Variants in NCAM1 observed in about 807,000 individuals in gnomAD.
NCAM1 encodes antigen recognized by monoclonal antibody 5.1H11.
NCAM1 carries 14 observed loss-of-function variants against 109.8 expected under a neutral mutation model. The ratio of observed to expected loss-of-function variants is 0.13; its 90% CI spans 0.08 to 0.20. NCAM1 has a LOEUF of 0.20. NCAM1 is among the 10% of genes least tolerant of loss of function. NCAM1 has a pLI of 1.00. For synonymous variants in NCAM1, 418 were observed against 442.9 expected (o/e 0.94, Z 0.70); for missense variants, 774 against 1,109.9 (o/e 0.70, Z 4.30).
intron 1 of NCAM1, among the ~76,000 whole-genome samples, chr11:112,964,716 A>G (rs1338142669): frequency 2.6e-5 from 4 of 152,248 alleles, no homozygotes; most frequent in Non-Finnish European, 4.4e-5. Flanking sequence ...CACTGAATGT[A>G]ATAAAGGCTA....
intron 1 of NCAM1, among the ~76,000 whole-genome samples, chr11:113,049,036 G>A (rs943675628): frequency 1.3e-5 from 2 of 152,108 alleles, no homozygotes; most frequent in African/African-American, 2.4e-5. Context: ...TAGACCTTTT[G>A]TGAACAGATC....
At chr11:113,035,670 T>C (rs1952852242) in intron 1 of NCAM1, among the ~76,000 whole-genome samples, 1 of 152,358 alleles carries the variant, frequency 6.6e-6, no homozygotes. Flanking sequence ...TAAGAAGCAT[T>C]GGAATATTTT....
intron 1 of NCAM1, among the ~76,000 whole-genome samples, chr11:113,125,920 C>T (rs868978296): frequency 3.9e-5 from 6 of 151,970 alleles, no homozygotes; most frequent in Non-Finnish European, 4.4e-5. Context: ...CTTTGGGAGA[C>T]TAAGTTGGGC....
At chr11:113,275,199 C>G (rs1946376516) in intron 19 of NCAM1, 68 bp from the exon 20 acceptor site, 1 of 1,593,338 alleles carries the variant, frequency 6.3e-7, no homozygotes, top group East Asian at 2.3e-5. Context: ...GTCCCCAAGG[C>G]CTGGATGCAG....
intron 1 of NCAM1, among the ~76,000 whole-genome samples, chr11:112,990,814 C>A (rs1226175048): frequency 6.6e-6 from 1 of 152,302 alleles, no homozygotes; most frequent in African/African-American, 2.4e-5. Context: ...GAGTCTGTCA[C>A]CTCGGTGTAG....
At chr11:113,009,454 A>G (rs2135096874) in intron 1 of NCAM1, among the ~76,000 whole-genome samples, 1 of 151,338 alleles carries the variant, frequency 6.6e-6, no homozygotes, top group East Asian at 2.0e-4. Context: ...TCACCCGAGT[A>G]GCTGGGACTA....
chr11:113,255,748 T>C, intron 15 of NCAM1, 129 bp from the exon 16 acceptor site: 8 of 1,087,850 alleles, frequency 7.4e-6, no homozygotes, highest in Non-Finnish European at 1.0e-5. Flanking sequence ...TTTATTGCTT[T>C]TTAACCATTT....
intron 1 of NCAM1, among the ~76,000 whole-genome samples, chr11:112,971,694 G>T (rs1349742306): frequency 6.6e-6 from 1 of 152,056 alleles, no homozygotes; most frequent in African/African-American, 2.4e-5. Flanking sequence ...AGATCTTACT[G>T]TCTGTTTGGG....
intron 1 of NCAM1, among the ~76,000 whole-genome samples, chr11:113,135,286 GT>G (rs1409062078): frequency 1.3e-5 from 2 of 152,112 alleles, no homozygotes; most frequent in Admixed American, 6.5e-5. Context: ...ATTCTCTGAT[GT>G]TTTTTTAAAT....
intron 1 of NCAM1, among the ~76,000 whole-genome samples, chr11:112,964,921 C>T (rs1950691247): frequency 6.6e-6 from 1 of 152,204 alleles, no homozygotes; most frequent in Non-Finnish European, 1.5e-5. Context: ...TTTTGAGTTA[C>T]TATTCCCTCT....
chr11:112,966,993 C>T (rs1460131777), intron 1 of NCAM1, among the ~76,000 whole-genome samples: 1 of 152,172 alleles, frequency 6.6e-6, no homozygotes, highest in Non-Finnish European at 1.5e-5. Flanking sequence ...TGTAATAAAC[C>T]CATTATGCAT....
intron 1 of NCAM1, among the ~76,000 whole-genome samples, chr11:113,149,513 G>A (rs1942147078): frequency 1.3e-5 from 2 of 152,210 alleles, no homozygotes; most frequent in Non-Finnish European, 2.9e-5. Context: ...GCTGGTGGCT[G>A]AGTTGAGGAG....
In NCAM1 at chr11:113,270,223, G is replaced by A. The variant is rs1242652487; in HGVS notation, c.2167G>A (p.Ala723Thr). The A allele has an allele frequency of 1.9e-6, 3 of 1,614,038 alleles. No homozygotes were observed. The highest frequency in any genetic ancestry group is 2.5e-6 in the Non-Finnish European group (3 of 1,179,908). ...GSPTSGLSTGAIVGILIVIFV... is the reference protein window; with the variant it reads ...GSPTSGLSTGTIVGILIVIFV... ...CCCCACCTCAGGCCTGAGCACCGGG[G>A]CCATCGTGGGCATCCTCATCGTCAT... Residue 723 changes from alanine to threonine, a missense_variant, in exon 18 of 20, where the codon GCC (alanine) becomes ACC (threonine). By Grantham distance (58) the Ala-to-Thr change is moderately conservative. Transcript: ENST00000316851.
intron 1 of NCAM1, among the ~76,000 whole-genome samples, chr11:113,023,111 C>T (rs926776123): frequency 2.0e-5 from 3 of 152,150 alleles, no homozygotes; most frequent in African/African-American, 7.2e-5. Context: ...GTTGCAGACC[C>T]TGGCACAACT....
At chr11:113,246,299 C>T (rs373035991) in intron 14 of NCAM1, 69 bp from the exon 15 acceptor site, 14 of 712,944 alleles carry the variant, frequency 2.0e-5, no homozygotes, top group Non-Finnish European at 3.3e-5. Context: ...ATATCATGTG[C>T]GTGCGTATCA....
Position 113,272,804 on chromosome 11 carries a change from T to TGCCTGTGC in NCAM1, c.2456+928_2456+929insGCCTGTGC. On this transcript the variant is annotated intron_variant, in intron 19 of 19. Coordinates refer to ENST00000316851, the MANE Select transcript of NCAM1 (RefSeq NM_181351.5). ...ATCCTTCTCTCTCTGTGGGCCTGTG[T>TGCCTGTGC]CCGTGCCTGTGCCTAACTGCATGCC... The TGCCTGTGC allele has an allele frequency of 9.7e-6, 4 of 412,692 alleles. No individual in the cohort carries two copies. In the Admixed American group the frequency reaches 1.0e-4, roughly 10 times the overall value. The allele number at this position is 412,692 out of a possible 1,614,324, so 25.6% of individuals were successfully genotyped here.
At position 113,030,380 on chromosome 11, in the gene NCAM1, G is replaced by A. The variant is rs554727694; in HGVS notation, c.52+68716G>A. Among the ~76,000 whole-genome samples, 4 of 152,270 alleles carry A rather than the reference G, an allele frequency of 2.6e-5. No individual in the cohort carries two copies. In the South Asian group the frequency reaches 8.3e-4, roughly 32 times the overall value. The stretch of plus-strand genomic sequence containing the variant: ...TGTACTTTAGGAGTATATATTGGAA[G>A]TTCTCTCAACTCTGTGATAAGAGGA... On this transcript the variant is annotated intron_variant, in intron 1 of 19. Transcript: ENST00000316851.
intron 19 of NCAM1, chr11:113,272,836 C>A: frequency 2.3e-6 from 1 of 438,280 alleles, no homozygotes; most frequent in South Asian, 1.7e-5. Context: ...TGCCCCCACC[C>A]CCATGGTCCC....
At chr11:112,994,290 G>A (rs1191890062) in intron 1 of NCAM1, among the ~76,000 whole-genome samples, 2 of 152,156 alleles carry the variant, frequency 1.3e-5, no homozygotes, top group Non-Finnish European at 2.9e-5. Flanking sequence ...CATTGTAACT[G>A]GAAGGCATTA....
Sources: allele counts gnomAD v4.1 joint callset (sites outside exome capture counted in the v4.1 genomes callset), GRCh38; gene constraint gnomAD v4.1.1; transcripts MANE v1.5; gene names NCBI Gene and HGNC (gene_info 2026-07-23, HGNC 2026-07-21).